Variants in RP1 observed in about 807,000 individuals in gnomAD.
RP1 encodes oxygen-regulated protein 1.
In RP1, 16 loss-of-function variants were observed where a neutral mutation model predicts 14.8. That is an observed-to-expected ratio of 1.08 (90% CI 0.73 to 1.65). The LOEUF is 1.65. Ranked by LOEUF, RP1 falls within the 40% of genes most tolerant of loss-of-function variation. The pLI is 0.00. For missense variants in RP1, 2,631 were observed against 2,535.0 expected (o/e 1.04, Z -0.81); for synonymous variants, 876 against 883.6 (o/e 0.99, Z 0.15).
chr8:54,616,987 A>G (rs1805734446), intron 1 of RP1, among the ~76,000 whole-genome samples: 1 of 152,212 alleles, frequency 6.6e-6, no homozygotes, highest in Non-Finnish European at 1.5e-5. Context: ...GTGTTAAAAA[A>G]TCTGCTTAAT....
At chr8:54,773,698 C>A (rs2129376333), downstream of RP1, among the ~76,000 whole-genome samples, 1 of 152,192 alleles carries the variant, frequency 6.6e-6, no homozygotes, top group Middle Eastern at 3.4e-3. Flanking sequence ...AGTGTAAGAA[C>A]CTTGTCCTCA....
At chr8:54,832,495 CAA>C (rs1811556318) in intron 24 of RP1, among the ~76,000 whole-genome samples, 1 of 151,796 alleles carries the variant, frequency 6.6e-6, no homozygotes, top group African/African-American at 2.4e-5. Context: ...TAGCACTTGA[CAA>C]TGCTTATCTC....
chr8:54,628,243 G>T lies in RP1; in HGVS notation c.4361G>T (p.Ser1454Ile). ...GAAGAACCAGGCTCAATAACCAACA[G>T]CATGACATCAAGTGAAAGAAACATT... Reference protein sequence around the residue: ...TSEEPGSITNSMTSSERNISE... With the variant: ...TSEEPGSITNIMTSSERNISE... Residue 1454 changes from serine (S) to isoleucine (I), a missense_variant, in exon 4 of 4, where the codon AGC becomes ATC. By Grantham distance (142) the Ser-to-Ile change is moderately radical (BLOSUM62 -2). Transcript: ENST00000220676. 1 of 1,613,946 alleles carries T rather than the reference G, an allele frequency of 6.2e-7. No individual in the cohort carries two copies. The highest frequency in any genetic ancestry group is 1.1e-5 in the South Asian group (1 of 91,074).
chr8:54,843,226 G>A (rs1811831191), intron 25 of RP1, among the ~76,000 whole-genome samples: 1 of 152,058 alleles, frequency 6.6e-6, no homozygotes, highest in Non-Finnish European at 1.5e-5. Flanking sequence ...ATGTATTTAT[G>A]TATGTATGTA....
chr8:54,802,397 G>A (rs1356705990), intron 24 of RP1, among the ~76,000 whole-genome samples: 1 of 152,162 alleles, frequency 6.6e-6, no homozygotes, highest in Non-Finnish European at 1.5e-5. Flanking sequence ...AATAGAAAAT[G>A]TTAAGCATTT....
chr8:54,703,698 G>A (rs1328435261), intron 14 of RP1, among the ~76,000 whole-genome samples: 2 of 152,172 alleles, frequency 1.3e-5, no homozygotes, highest in East Asian at 3.9e-4. Flanking sequence ...GTCATGTGTG[G>A]CATCTTCTTC....
intron 1 of RP1, among the ~76,000 whole-genome samples, chr8:54,586,207 C>G (rs1275831665): frequency 6.6e-6 from 1 of 152,152 alleles, no homozygotes; most frequent in Non-Finnish European, 1.5e-5. Flanking sequence ...GTTAGTTTTC[C>G]TTCTAACAGT....
intron 14 of RP1, chr8:54,701,754 A>G (rs998346641): frequency 8.4e-7 from 1 of 1,188,992 alleles, no homozygotes; most frequent in Non-Finnish European, 1.2e-6. Context: ...GTCATAATGC[A>G]GTAATCGAAT....
intron 14 of RP1, chr8:54,701,774 C>T: frequency 1.0e-6 from 1 of 977,474 alleles, no homozygotes; most frequent in Admixed American, 2.7e-5. Context: ...TCACTTCCCA[C>T]TAGGTGGCAT....
chr8:54,560,030 A>G (rs924378686), intron 1 of RP1, among the ~76,000 whole-genome samples: 1 of 152,206 alleles, frequency 6.6e-6, no homozygotes, highest in Non-Finnish European at 1.5e-5. Context: ...CTGTTAAGCC[A>G]CAAACATATT....
At chr8:54,615,426 C>T (rs111585401), upstream of RP1, among the ~76,000 whole-genome samples, 1 of 152,214 alleles carries the variant, frequency 6.6e-6, no homozygotes, top group African/African-American at 2.4e-5. Flanking sequence ...TCTTCAAGTC[C>T]GATTAGACCA....
At chr8:54,770,370 TC>T (rs1809871597), downstream of RP1, among the ~76,000 whole-genome samples, 1 of 151,884 alleles carries the variant, frequency 6.6e-6, no homozygotes, top group Admixed American at 6.6e-5. Flanking sequence ...AATGCTTTTT[TC>T]CTTAATGCTT....
At chr8:54,670,756 T>C (rs966648819) in intron 7 of RP1, among the ~76,000 whole-genome samples, 20 of 145,534 alleles carry the variant, frequency 1.4e-4, no homozygotes, top group Admixed American at 2.8e-4. Context: ...TATAGTACAT[T>C]TTTTTGTCTC....
Position 54,628,370 on chromosome 8 carries a change from A to C in RP1, c.4488A>C (p.Glu1496Asp). The C allele has an allele frequency of 6.2e-7, 1 of 1,613,796 alleles. No individual in the cohort carries two copies. The highest frequency in any genetic ancestry group is 8.5e-7 in the Non-Finnish European group (1 of 1,179,820). Residue 1496 changes from glutamate to aspartate, a missense_variant, in exon 4 of 4, where the codon GAA (glutamate) becomes GAC (aspartate). By Grantham distance (45) the Glu-to-Asp change is conservative. Coordinates refer to ENST00000220676, the MANE Select transcript of RP1 (RefSeq NM_006269.2). Reference sequence around the variant, plus strand: ...AAGCCACTGAAGAATTAATCCAAGAAGAGGTAGAGGCTAGTAAAACTTTAG... The same window carrying C: ...AAGCCACTGAAGAATTAATCCAAGACGAGGTAGAGGCTAGTAAAACTTTAG... ...GEQATEELIQ[E>D]EVEASKTLEL...
intron 24 of RP1, among the ~76,000 whole-genome samples, chr8:54,817,394 G>C (rs1449343944): frequency 1.8e-4 from 28 of 152,148 alleles, no homozygotes; most frequent in Admixed American, 1.8e-3. Context: ...TGGAAAGGTG[G>C]AGGGGAGACT....
intron 24 of RP1, among the ~76,000 whole-genome samples, chr8:54,806,163 C>T (rs1345188610): frequency 2.1e-4 from 32 of 152,020 alleles, no homozygotes; most frequent in Non-Finnish European, 4.4e-4. Context: ...AGATTACAAG[C>T]GCCTGCCACC....
At chr8:54,714,694 C>T (rs1808362288) in intron 15 of RP1, among the ~76,000 whole-genome samples, 1 of 152,190 alleles carries the variant, frequency 6.6e-6, no homozygotes, top group South Asian at 2.1e-4. Context: ...ACTCCAGTCT[C>T]CCATTTAGCC....
rs927776048 is a variant in RP1, at chr8:54,559,437, T to C, written c.-13+117T>C. The stretch of plus-strand genomic sequence containing the variant: ...AGGAGATGTTTAACTTTTATTTAAA[T>C]GTGAAAGGTTGCTTAATGGTATGGA... On this transcript the variant is annotated intron_variant, in intron 1 of 22. Transcript: ENST00000636932. 3.3e-5 allele frequency: 5 copies of C among 152,290 alleles called. 1 individual carries two copies. Among genetic ancestry groups the C allele is most frequent in the African/African-American group, 2.4e-5 (1 of 41,552 alleles). The allele number at this position is 152,290 out of a possible 1,614,324, so 9.4% of individuals were successfully genotyped here.
chr8:54,693,716 T>G (rs1807779273), intron 12 of RP1, among the ~76,000 whole-genome samples: 1 of 152,182 alleles, frequency 6.6e-6, no homozygotes, highest in African/African-American at 2.4e-5. Context: ...AGGAAATTTT[T>G]GGCTGAGACA....
Sources: allele counts gnomAD v4.1 joint callset (sites outside exome capture counted in the v4.1 genomes callset), GRCh38; gene constraint gnomAD v4.1.1; transcripts MANE v1.5; gene names NCBI Gene and HGNC (gene_info 2026-07-23, HGNC 2026-07-21).